CBR4: variants seen among roughly 807,000 people sequenced by gnomAD.
The protein encoded by CBR4 is carbonyl reductase 4.
Under a neutral mutation model 21.0 loss-of-function variants are expected in CBR4, and 22 were observed. The ratio of observed to expected loss-of-function variants is 1.05; its 90% confidence interval spans 0.75 to 1.50. The LOEUF (loss-of-function observed/expected upper bound fraction) is 1.50, where lower values mean the gene tolerates loss of function less well. Among genes scored for constraint, CBR4 ranks in the 40% most tolerant of loss-of-function variants. The pLI is 0.00. For missense variants in CBR4, 302 were observed against 286.3 expected, an observed-to-expected ratio of 1.05 and a Z score of -0.40; for synonymous variants, 100 against 104.4, an observed-to-expected ratio of 0.96 and a Z score of 0.26.
At chr4:168,977,427 G>A (rs149940273) in intron 2 of CBR4, among the ~76,000 whole-genome samples, 7 of 152,086 alleles carry the variant, frequency 4.6e-5, no homozygotes, top group Admixed American at 1.3e-4. Context: ...TCTCTAACCC[G>A]TCAGTAAATG....
At position 168,977,250 on chromosome 4, in the gene CBR4, A is replaced by C. The variant is rs560010311; in HGVS notation, n.169+24821T>G. ...AAAACAATTCTTATTGAAGTTACCAATGATTTTCTTGTTAGCAATCCATCT... is the reference window on the plus strand; with the variant it reads ...AAAACAATTCTTATTGAAGTTACCACTGATTTTCTTGTTAGCAATCCATCT... On this transcript the variant is annotated intron_variant and non_coding_transcript_variant, in intron 2 of 3. Coordinates refer to the CBR4 transcript ENST00000509108. 2.0e-5 allele frequency among the ~76,000 whole-genome samples: 3 copies of C among 152,082 alleles called. No individual in the cohort carries two copies. In the South Asian group the frequency reaches 6.2e-4, roughly 32 times the overall value.
intron 2 of CBR4, among the ~76,000 whole-genome samples, chr4:168,917,049 G>GGTTTTTTTT (rs1491537610): frequency 8.0e-6 from 1 of 124,876 alleles, no homozygotes; most frequent in Non-Finnish European, 1.7e-5. Context: ...TTTTTTTGGG[G>GGTTTTTTTT]TTTTTTTTTT....
intron 2 of CBR4, among the ~76,000 whole-genome samples, chr4:168,978,023 C>T (rs1262832491): frequency 6.6e-6 from 1 of 152,188 alleles, no homozygotes; most frequent in East Asian, 1.9e-4. Context: ...TTTCCTAATA[C>T]ATCATGTATC....
intron 2 of CBR4, among the ~76,000 whole-genome samples, chr4:168,929,540 T>G (rs1411588907): frequency 6.6e-6 from 1 of 152,212 alleles, no homozygotes; most frequent in Non-Finnish European, 1.5e-5. Flanking sequence ...TCCCCTTGGC[T>G]TGCTCAGTAG....
chr4:168,899,440 C>T (rs966131003), intron 2 of CBR4, among the ~76,000 whole-genome samples: 4 of 152,160 alleles, frequency 2.6e-5, no homozygotes, highest in Admixed American at 2.0e-4. Flanking sequence ...TACACTATCA[C>T]ATGATAGGGA....
intron 2 of CBR4, among the ~76,000 whole-genome samples, chr4:168,933,383 C>T (rs1408190815): frequency 6.6e-6 from 1 of 151,968 alleles, no homozygotes; most frequent in East Asian, 1.9e-4. Flanking sequence ...TCAGATAATA[C>T]AGGCTATTTA....
Position 169,010,190 on chromosome 4 carries a change from GAA to G in CBR4, c.-103_-102del. The G allele has an allele frequency of 1.6e-6, 1 of 623,640 alleles. No individual in the cohort carries two copies. The allele number at this position is 623,640 out of a possible 1,614,324, so 38.6% of individuals were successfully genotyped here. On this transcript the variant is annotated 5_prime_UTR_variant, in exon 1 of 5. Coordinates refer to ENST00000306193, the MANE Select transcript of CBR4 (RefSeq NM_032783.5). ...ACCGCGGTTCCAAAAAAAAAAAAAA[GAA>G]AAAAAAAGGCAAACCGCAAAAAAAA...
At chr4:168,928,680 G>A (rs114221748) in intron 2 of CBR4, among the ~76,000 whole-genome samples, 1 of 152,256 alleles carries the variant, frequency 6.6e-6, no homozygotes, top group Non-Finnish European at 1.5e-5. Flanking sequence ...TGATAGCTCT[G>A]TGCAATTGTA....
chr4:168,926,647 A>G, intron 2 of CBR4: 1 of 380,092 alleles, frequency 2.6e-6, no homozygotes, highest in East Asian at 4.3e-5. Flanking sequence ...AAGTGATCAA[A>G]ATGCCAAAAT....
intron 4 of CBR4, among the ~76,000 whole-genome samples, chr4:168,994,594 C>G (rs1192864556): frequency 6.6e-6 from 1 of 151,804 alleles, no homozygotes; most frequent in Non-Finnish European, 1.5e-5. Context: ...TGCTTTTTTT[C>G]TTTTGAGACA....
intron 2 of CBR4, chr4:168,904,038 C>A: frequency 1.1e-6 from 1 of 890,310 alleles, no homozygotes; most frequent in Non-Finnish European, 1.8e-6. Context: ...CCAAATTCTA[C>A]ATCCATCTTG....
At chr4:168,898,965 T>C (rs1581999654) in intron 2 of CBR4, among the ~76,000 whole-genome samples, 1 of 152,194 alleles carries the variant, frequency 6.6e-6, no homozygotes, top group Admixed American at 6.5e-5. Context: ...CACACACCTA[T>C]ATCATTTATT....
chr4:168,919,115 C>A lies in CBR4; in HGVS notation n.170-24350G>T, dbSNP rs1430052159. Among the ~76,000 whole-genome samples the A allele has an allele frequency of 2.6e-5, 4 of 152,176 alleles. No individual in the cohort carries two copies. In the South Asian group the frequency reaches 8.3e-4, roughly 32 times the overall value. ...TTTAAGAAAGAAATAACAGTACTGTCTTTCACTGGACTGGCACATAACTGT... is the reference window on the plus strand; with the variant it reads ...TTTAAGAAAGAAATAACAGTACTGTATTTCACTGGACTGGCACATAACTGT... On this transcript the variant is annotated intron_variant and non_coding_transcript_variant, in intron 2 of 3. Coordinates refer to the CBR4 transcript ENST00000509108.
intron 2 of CBR4, 99 bp downstream of exon 2, chr4:169,007,537 G>A (rs1731008312): frequency 1.5e-6 from 1 of 683,920 alleles, no homozygotes; most frequent in African/African-American, 1.9e-5. Flanking sequence ...CTCCCAGTTA[G>A]AAGCAAAATA....
chr4:168,894,516 T>C (rs769639260), intron 3 of CBR4: 5 of 979,862 alleles, frequency 5.1e-6, no homozygotes, highest in Non-Finnish European at 8.1e-6. Flanking sequence ...CTCTTTTTCA[T>C]AGGGCAGTAC....
At chr4:168,977,305 C>T (rs1020592623) in intron 2 of CBR4, among the ~76,000 whole-genome samples, 1 of 152,184 alleles carries the variant, frequency 6.6e-6, no homozygotes, top group Non-Finnish European at 1.5e-5. Context: ...ATATCAAGAA[C>T]TCCTTCCTTC....
intron 2 of CBR4, among the ~76,000 whole-genome samples, chr4:168,975,713 G>A (rs550561736): frequency 6.6e-6 from 1 of 152,296 alleles, no homozygotes; most frequent in South Asian, 2.1e-4. Context: ...TCAGGTGGGG[G>A]CAGGGTTAGG....
At chr4:168,907,862 C>T (rs2151350812) in intron 2 of CBR4, among the ~76,000 whole-genome samples, 1 of 152,184 alleles carries the variant, frequency 6.6e-6, no homozygotes, top group Non-Finnish European at 1.5e-5. Flanking sequence ...ATTCAAAGAA[C>T]CCAGAGCATC....
chr4:168,947,137 T>C (rs904931477), intron 2 of CBR4, among the ~76,000 whole-genome samples: 1 of 152,148 alleles, frequency 6.6e-6, no homozygotes, highest in Non-Finnish European at 1.5e-5. Context: ...TTTTTTTAAA[T>C]TGGGTAAGAT....
Sources: allele counts gnomAD v4.1 joint callset (sites outside exome capture counted in the v4.1 genomes callset), GRCh38; gene constraint gnomAD v4.1.1; transcripts MANE v1.5; gene names NCBI Gene and HGNC (gene_info 2026-07-23, HGNC 2026-07-21).